Variants in SLC25A21 observed in about 807,000 individuals in gnomAD.
SLC25A21 encodes mitochondrial 2-oxodicarboxylate carrier.
Under a neutral mutation model 43.8 loss-of-function variants are expected in SLC25A21, and 47 were observed. The ratio of observed to expected loss-of-function variants is 1.07; its 90% confidence interval spans 0.85 to 1.37. The LOEUF is 1.37. Ranked by LOEUF, SLC25A21 falls within the 40% of genes most tolerant of loss-of-function variation. The probability of loss-of-function intolerance (pLI) is 0.00; values close to 1 mark genes in which losing one functional copy is unlikely to be tolerated. For synonymous variants in SLC25A21, 131 were observed against 121.3 expected, an observed-to-expected ratio of 1.08 and a Z score of -0.52; for missense variants, 352 against 350.2, an observed-to-expected ratio of 1.00 and a Z score of -0.04.
At chr14:37,039,370 A>C (rs1961395566) in intron 1 of SLC25A21, among the ~76,000 whole-genome samples, 1 of 152,172 alleles carries the variant, frequency 6.6e-6, no homozygotes, top group Non-Finnish European at 1.5e-5. Flanking sequence ...GATACTAATA[A>C]ACATATTCAT....
Position 36,729,497 on chromosome 14 carries a change from T to G in SLC25A21, c.330+10A>C. Reference sequence around the variant, plus strand: ...ACACACATTTAAGTATAATAAATACTCTCACTTACCAATGCTGGTGACAGT... The same window carrying G: ...ACACACATTTAAGTATAATAAATACGCTCACTTACCAATGCTGGTGACAGT... On this transcript the variant is annotated intron_variant, in intron 5 of 9. Transcript: ENST00000331299. The G allele has an allele frequency of 6.3e-7, 1 of 1,591,942 alleles. No homozygotes were observed. Among genetic ancestry groups the G allele is most frequent in the Non-Finnish European group, 8.6e-7 (1 of 1,168,332 alleles).
intron 1 of SLC25A21, among the ~76,000 whole-genome samples, chr14:36,968,904 G>A (rs1254070682): frequency 1.3e-5 from 2 of 152,152 alleles, no homozygotes; most frequent in African/African-American, 4.8e-5. Flanking sequence ...AAAATAAAGT[G>A]AAATACAGTA....
At chr14:36,883,664 C>T (rs999557989) in intron 1 of SLC25A21, among the ~76,000 whole-genome samples, 1 of 152,028 alleles carries the variant, frequency 6.6e-6, no homozygotes, top group African/African-American at 2.4e-5. Context: ...GAAAAAGAAA[C>T]TGAATTATAT....
intron 1 of SLC25A21, among the ~76,000 whole-genome samples, chr14:36,960,275 A>C (rs764967988): frequency 3.9e-5 from 6 of 152,138 alleles, no homozygotes; most frequent in Non-Finnish European, 7.3e-5. Flanking sequence ...ACACATAGAC[A>C]TGTGTTTGTG....
At chr14:36,995,977 ATG>A (rs1960363562) in intron 1 of SLC25A21, among the ~76,000 whole-genome samples, 1 of 152,192 alleles carries the variant, frequency 6.6e-6, no homozygotes, top group Non-Finnish European at 1.5e-5. Context: ...TCATTTTAAG[ATG>A]AAAACTGAGG....
intron 3 of SLC25A21, among the ~76,000 whole-genome samples, chr14:36,790,910 A>C (rs1887461756): frequency 6.6e-6 from 1 of 152,168 alleles, no homozygotes; most frequent in South Asian, 2.1e-4. Flanking sequence ...AAAGTATTTC[A>C]GTAATAAGAG....
intron 1 of SLC25A21, among the ~76,000 whole-genome samples, chr14:36,979,612 T>A (rs1383124247): frequency 1.3e-5 from 2 of 152,178 alleles, no homozygotes; most frequent in Non-Finnish European, 2.9e-5. Flanking sequence ...TATCTTGACC[T>A]CTCAAAGTGC....
chr14:37,036,421 CTT>C (rs35696805), intron 1 of SLC25A21, among the ~76,000 whole-genome samples: 44,359 of 151,684 alleles, frequency 0.29, 6,739 homozygotes, highest in Non-Finnish European at 0.33. Context: ...CACAGTAAAA[CTT>C]AGCGCAACAT....
At chr14:37,093,221 T>C (rs1962622394) in intron 1 of SLC25A21, among the ~76,000 whole-genome samples, 1 of 152,184 alleles carries the variant, frequency 6.6e-6, no homozygotes, top group Admixed American at 6.6e-5. Flanking sequence ...AAGGATAAAA[T>C]GTTAATACAT....
intron 1 of SLC25A21, among the ~76,000 whole-genome samples, chr14:37,145,523 A>G (rs952493760): frequency 6.6e-6 from 1 of 152,014 alleles, no homozygotes; most frequent in Admixed American, 6.6e-5. Flanking sequence ...GTAGGAATTT[A>G]ATAGACTAGA....
At chr14:36,998,762 A>G (rs1960425707) in intron 1 of SLC25A21, among the ~76,000 whole-genome samples, 1 of 152,144 alleles carries the variant, frequency 6.6e-6, no homozygotes, top group Non-Finnish European at 1.5e-5. Flanking sequence ...ACACCTCACT[A>G]AAGAAGATAT....
At chr14:37,130,905 T>C (rs1397685550) in intron 1 of SLC25A21, among the ~76,000 whole-genome samples, 2 of 152,214 alleles carry the variant, frequency 1.3e-5, no homozygotes, top group African/African-American at 2.4e-5. Flanking sequence ...GTTCTCCTAA[T>C]GGGCTAGCAG....
intron 7 of SLC25A21, among the ~76,000 whole-genome samples, chr14:36,687,768 T>C (rs930882856): frequency 3.3e-5 from 5 of 152,138 alleles, no homozygotes; most frequent in African/African-American, 1.2e-4. Flanking sequence ...CATCCTCTCC[T>C]GGCCACTGCC....
intron 1 of SLC25A21, among the ~76,000 whole-genome samples, chr14:37,108,248 G>A (rs1373971251): frequency 2.6e-5 from 4 of 152,150 alleles, no homozygotes; most frequent in Admixed American, 2.0e-4. Context: ...ATCATGTGCA[G>A]TGCACAAAGG....
chr14:36,832,388 C>T (rs921046977), intron 2 of SLC25A21, among the ~76,000 whole-genome samples: 3 of 151,918 alleles, frequency 2.0e-5, no homozygotes, highest in Non-Finnish European at 1.5e-5. Flanking sequence ...AAGTTTGGGT[C>T]GTATGGATCA....
At chr14:36,989,415 G>A (rs1280080235) in intron 1 of SLC25A21, among the ~76,000 whole-genome samples, 1 of 152,108 alleles carries the variant, frequency 6.6e-6, no homozygotes, top group Non-Finnish European at 1.5e-5. Flanking sequence ...AATATTGGGA[G>A]GGGGGTGGCA....
intron 2 of SLC25A21, among the ~76,000 whole-genome samples, chr14:36,860,790 A>C (rs772196166): frequency 6.6e-6 from 1 of 152,228 alleles, no homozygotes; most frequent in Non-Finnish European, 1.5e-5. Flanking sequence ...ACTGAGTTGG[A>C]TCATATAATG....
In SLC25A21 at chr14:36,943,543, C is replaced by T. The variant is rs563792766; in HGVS notation, c.71-68539G>A. Among the ~76,000 whole-genome samples, 12 of 152,278 alleles carry T rather than the reference C, an allele frequency of 7.9e-5. No individual in the cohort carries two copies. The East Asian group carries it at 1.7e-3, about 22-fold the overall frequency. On this transcript the variant is annotated intron_variant, in intron 1 of 9. Coordinates refer to ENST00000331299, the MANE Select transcript of SLC25A21 (RefSeq NM_030631.4). The stretch of plus-strand genomic sequence containing the variant: ...AGACATGTAGGGGTTTATTTCAGAG[C>T]ACACAAATGAACTATTCTAAGTATT...
chr14:36,949,028 A>G (rs1892740889), intron 1 of SLC25A21, among the ~76,000 whole-genome samples: 1 of 152,198 alleles, frequency 6.6e-6, no homozygotes, highest in Non-Finnish European at 1.5e-5. Context: ...AGTCTGTTGC[A>G]TTTGACAAAC....
Sources: allele counts gnomAD v4.1 joint callset (sites outside exome capture counted in the v4.1 genomes callset), GRCh38; gene constraint gnomAD v4.1.1; transcripts MANE v1.5; gene names NCBI Gene and HGNC (gene_info 2026-07-23, HGNC 2026-07-21).